Variants in FARP1 observed in about 807,000 individuals in gnomAD.
FARP1 encodes FERM, ARH/RhoGEF and pleckstrin domain protein 1.
In FARP1, 52 loss-of-function variants were observed where a neutral mutation model predicts 128.8. The ratio of observed to expected loss-of-function variants is 0.40; its 90% CI spans 0.32 to 0.51. The LOEUF (loss-of-function observed/expected upper bound fraction) is 0.51, where lower values mean the gene tolerates loss of function less well. Ranked by LOEUF, FARP1 falls within the 20% of genes least tolerant of loss-of-function variation. The probability of loss-of-function intolerance (pLI) is 0.45; values close to 1 mark genes in which losing one functional copy is unlikely to be tolerated. For synonymous variants in FARP1, 580 were observed against 551.8 expected (o/e 1.05, Z -0.72); for missense variants, 1,333 against 1,367.9 (o/e 0.97, Z 0.40).
At chr13:98,338,525 T>C (rs1887834598) in intron 2 of FARP1, 1 of 152,234 alleles carries the variant, frequency 6.6e-6, no homozygotes, top group African/African-American at 2.4e-5. Context: ...TCCTCCAGTG[T>C]GTGGAATCGT....
intron 1 of FARP1, among the ~76,000 whole-genome samples, chr13:98,146,549 T>C (rs1274961246): frequency 6.6e-6 from 1 of 152,210 alleles, no homozygotes; most frequent in East Asian, 1.9e-4. Context: ...TTTGATAGCA[T>C]GGTGGACTGG....
At chr13:98,441,990 A>G (rs1445076501) in intron 24 of FARP1, among the ~76,000 whole-genome samples, 1 of 152,212 alleles carries the variant, frequency 6.6e-6, no homozygotes, top group East Asian at 1.9e-4. Context: ...GAACACTTCA[A>G]GCCCGTGAAG....
At chr13:98,439,906 A>C in intron 21 of FARP1, 55 bp from the exon 22 acceptor site, 1 of 1,262,128 alleles carries the variant, frequency 7.9e-7, no homozygotes, top group Non-Finnish European at 1.1e-6. Flanking sequence ...CAGCTCAGGG[A>C]TGTTTGGAAG....
At chr13:98,294,726 T>C (rs1389710300) in intron 2 of FARP1, among the ~76,000 whole-genome samples, 1 of 152,122 alleles carries the variant, frequency 6.6e-6, no homozygotes, top group African/African-American at 2.4e-5. Flanking sequence ...AAAATATGTA[T>C]GTCCCCAAGG....
intron 1 of FARP1, among the ~76,000 whole-genome samples, chr13:98,186,991 C>CAAAAAAAAAAA (rs33992037): frequency 4.2e-5 from 2 of 47,834 alleles, no homozygotes; most frequent in African/African-American, 7.7e-5. Flanking sequence ...GATTCTGTCT[C>CAAAAAAAAAAA]AAAAAAAAAA....
chr13:98,192,295 A>G (rs1368900789), intron 1 of FARP1, among the ~76,000 whole-genome samples: 1 of 152,114 alleles, frequency 6.6e-6, no homozygotes, highest in Non-Finnish European at 1.5e-5. Context: ...AAATTCCTAT[A>G]AGTGACAAAT....
At position 98,446,208 on chromosome 13, in the gene FARP1, A is replaced by T; in HGVS notation, c.2904+3A>T. ...TGTTCTTCTACAAATCACACCAGGT[A>T]AGTGTCTCGCACAGGGCAGGTGGCC... On this transcript the variant is annotated splice_donor_region_variant and intron_variant, in intron 25 of 26. Coordinates refer to ENST00000319562, the MANE Select transcript of FARP1 (RefSeq NM_005766.4). The T allele has an allele frequency of 1.9e-6, 3 of 1,604,814 alleles. No individual in the cohort carries two copies. Among genetic ancestry groups the T allele is most frequent in the Non-Finnish European group, 2.6e-6 (3 of 1,171,822 alleles).
At position 98,377,893 on chromosome 13, in the gene FARP1, T is replaced by A; in HGVS notation, c.471T>A (p.Ala157=). 4 of 1,613,294 alleles carry A rather than the reference T, an allele frequency of 2.5e-6. No individual in the cohort carries two copies. Among genetic ancestry groups the A allele is most frequent in the Non-Finnish European group, 3.4e-6 (4 of 1,179,222 alleles). The change falls in exon 6 of 27, where the codon GCT becomes GCA. Residue 157 remains alanine (A), a synonymous_variant. Transcript: ENST00000319562. The stretch of plus-strand genomic sequence containing the variant: ...TGACGTGTAATGACACCAGCGCAGC[T>A]CTCTTGATTTCACACATTGTGCAAT... ...GRLTCNDTSA[A]LLISHIVQSE... is the part of the protein sequence containing the mutation.
intron 1 of FARP1, among the ~76,000 whole-genome samples, chr13:98,190,284 T>G (rs1381659245): frequency 1.3e-5 from 2 of 152,192 alleles, no homozygotes; most frequent in East Asian, 3.9e-4. Flanking sequence ...CAAACTCTAT[T>G]CCTGCATTGT....
intron 1 of FARP1, among the ~76,000 whole-genome samples, chr13:98,195,041 C>T (rs1460226771): frequency 1.3e-5 from 2 of 151,164 alleles, no homozygotes; most frequent in Non-Finnish European, 3.0e-5. Context: ...TGTGTAGAAT[C>T]GGGAGTGTTA....
intron 2 of FARP1, among the ~76,000 whole-genome samples, chr13:98,219,280 G>C (rs1442871085): frequency 6.6e-6 from 1 of 152,084 alleles, no homozygotes; most frequent in Non-Finnish European, 1.5e-5. Context: ...AGCTGGGCTT[G>C]TGCTCATTGG....
At chr13:98,345,767 C>T (rs1888154861) in intron 3 of FARP1, among the ~76,000 whole-genome samples, 1 of 152,208 alleles carries the variant, frequency 6.6e-6, no homozygotes, top group Admixed American at 6.5e-5. Flanking sequence ...GTACTGTAGG[C>T]CTTATAGGCC....
intron 2 of FARP1, among the ~76,000 whole-genome samples, chr13:98,224,849 G>A (rs1881667005): frequency 6.6e-6 from 1 of 152,100 alleles, no homozygotes; most frequent in African/African-American, 2.4e-5. Flanking sequence ...CCCCTGCCTC[G>A]CTAACCTCAG....
chr13:98,240,413 A>G (rs1882700168), intron 2 of FARP1, among the ~76,000 whole-genome samples: 1 of 152,022 alleles, frequency 6.6e-6, no homozygotes, highest in Non-Finnish European at 1.5e-5. Context: ...CTCCCAGTTT[A>G]TTGAAACCTG....
chr13:98,340,972 T>C (rs1165017424), intron 2 of FARP1: 1 of 152,064 alleles, frequency 6.6e-6, no homozygotes, highest in Non-Finnish European at 1.5e-5. Context: ...CAGGGAAGAA[T>C]GGGGGTTCCA....
intron 16 of FARP1, among the ~76,000 whole-genome samples, chr13:98,416,136 G>A (rs373522618): frequency 7.2e-5 from 11 of 152,160 alleles, no homozygotes; most frequent in Admixed American, 4.6e-4. Context: ...TCCTCTTCCC[G>A]TTAACATCTT....
Position 98,448,507 on chromosome 13 carries a change from C to A in FARP1, c.*190C>A. ...AGCGTCTGAATGAACAGCGCTCCCA[C>A]CTCCAGTCCTGGCATCCGCTGGGGG... On this transcript the variant is annotated 3_prime_UTR_variant, in exon 27 of 27. Coordinates refer to ENST00000319562, the MANE Select transcript of FARP1 (RefSeq NM_005766.4). 1 of 585,686 alleles carries A rather than the reference C, an allele frequency of 1.7e-6. No homozygotes were observed. The allele number at this position is 585,686 out of a possible 1,614,324, so 36.3% of individuals were successfully genotyped here. A position where few individuals can be genotyped will look rare whatever the true frequency, so the allele number is the denominator to read the frequency against.
chr13:98,249,375 A>G (rs1883220045), intron 2 of FARP1, among the ~76,000 whole-genome samples: 1 of 152,236 alleles, frequency 6.6e-6, no homozygotes, highest in Admixed American at 6.5e-5. Flanking sequence ...TTTTAATGAT[A>G]CGATACTTCT....
chr13:98,377,374 CAAAAAA>C (rs34395673), intron 5 of FARP1, among the ~76,000 whole-genome samples: 10 of 134,606 alleles, frequency 7.4e-5, no homozygotes, highest in African/African-American at 1.6e-4. Flanking sequence ...AGTTACACCA[CAAAAAA>C]AAAAAAAAAA....
Sources: allele counts gnomAD v4.1 joint callset (sites outside exome capture counted in the v4.1 genomes callset), GRCh38; gene constraint gnomAD v4.1.1; transcripts MANE v1.5; gene names NCBI Gene and HGNC (gene_info 2026-07-23, HGNC 2026-07-21).